The following SGCD variants were observed in gnomAD, a reference collection of about 807,000 sequenced individuals.
The protein encoded by SGCD is sarcoglycan delta.
SGCD carries 18 observed loss-of-function variants against 36.6 expected under a neutral mutation model. The ratio of observed to expected loss-of-function variants is 0.49; its 90% CI spans 0.34 to 0.73. The LOEUF (loss-of-function observed/expected upper bound fraction) is 0.73, where lower values mean the gene tolerates loss of function less well. Among genes scored for constraint, SGCD ranks in the 30% least tolerant of loss-of-function variants. The pLI is 0.01. For synonymous variants in SGCD, 133 were observed against 130.6 expected, an observed-to-expected ratio of 1.02 and a Z score of -0.12; for missense variants, 387 against 346.7, an observed-to-expected ratio of 1.12 and a Z score of -0.92.
the SGCD span, among the ~76,000 whole-genome samples, chr5:155,801,254 G>A: frequency 3.3e-5 from 5 of 152,152 alleles, no homozygotes; most frequent in Admixed American, 2.0e-4. Context: ...TCTTGTGAGT[G>A]TAAGACTTAG....
chr5:156,059,672 C>T (rs1448659479), intron 1 of SGCD, among the ~76,000 whole-genome samples: 1 of 146,456 alleles, frequency 6.8e-6, no homozygotes, highest in Admixed American at 6.8e-5. Flanking sequence ...AAGTAATTTG[C>T]CTTCTCTAAG....
intron 7 of SGCD, among the ~76,000 whole-genome samples, chr5:156,726,864 T>C (rs1219882134): frequency 6.6e-6 from 1 of 152,210 alleles, no homozygotes; most frequent in Non-Finnish European, 1.5e-5. Flanking sequence ...TGCTGCTACA[T>C]ATCTGTATGA....
At chr5:156,736,601 C>T (rs1167028771) in intron 7 of SGCD, among the ~76,000 whole-genome samples, 1 of 152,106 alleles carries the variant, frequency 6.6e-6, no homozygotes, top group East Asian at 1.9e-4. Context: ...AAGAAGGCTA[C>T]TTTGAAGCCA....
At chr5:156,097,372 T>C (rs1455769631) in intron 1 of SGCD, among the ~76,000 whole-genome samples, 2 of 152,174 alleles carry the variant, frequency 1.3e-5, no homozygotes, top group African/African-American at 4.8e-5. Context: ...TTGTTATTGG[T>C]CTCTGGGGCA....
chr5:155,918,323 G>A (rs1400098733), intron 1 of SGCD, among the ~76,000 whole-genome samples: 1 of 152,186 alleles, frequency 6.6e-6, no homozygotes, highest in African/African-American at 2.4e-5. Flanking sequence ...AGCACTTTGG[G>A]TGGCTGAGGC....
chr5:156,764,145 TTATAA>T lies in SGCD; in HGVS notation c.*4761_*4765del, dbSNP rs772072100. On this transcript the variant is annotated 3_prime_UTR_variant, in exon 9 of 9. Coordinates refer to ENST00000337851, the MANE Select transcript of SGCD (RefSeq NM_000337.6). ...GCCCTAGTAGCAGGTTGGGAAAAAGTTATAATATAAGAAACAACCTTCGAAAACAG... is the reference window on the plus strand; with the variant it reads ...GCCCTAGTAGCAGGTTGGGAAAAAGTTATAAGAAACAACCTTCGAAAACAG... The T allele has an allele frequency of 4.6e-5, 7 of 152,406 alleles. No homozygotes were observed. Among genetic ancestry groups the T allele is most frequent in the African/African-American group, 9.7e-5 (4 of 41,450 alleles). The allele number at this position is 152,406 out of a possible 1,614,324, so 9.4% of individuals were successfully genotyped here. A position where few individuals can be genotyped will look rare whatever the true frequency, so the allele number is the denominator to read the frequency against.
chr5:156,621,549 G>A lies in SGCD; in HGVS notation c.503-25915G>A, dbSNP rs74861076. Reference sequence around the variant, plus strand: ...AAAAAATGTGCGTTATGGGAGCAAAGTATAAAATGCTATGGAAACATAAAA... The same window carrying A: ...AAAAAATGTGCGTTATGGGAGCAAAATATAAAATGCTATGGAAACATAAAA... On this transcript the variant is annotated intron_variant, in intron 6 of 8. Transcript: ENST00000337851. Among the ~76,000 whole-genome samples the A allele has an allele frequency of 2.9e-3, 441 of 152,242 alleles. 6 individuals are homozygous for A. Among genetic ancestry groups the A allele is most frequent in the East Asian group, 0.022 (115 of 5,184 alleles).
At chr5:156,258,536 A>G (rs932704173) in intron 3 of SGCD, among the ~76,000 whole-genome samples, 1 of 152,162 alleles carries the variant, frequency 6.6e-6, no homozygotes, top group African/African-American at 2.4e-5. Context: ...AATAGCCACG[A>G]TTGTCTAAAA....
chr5:155,898,634 G>A (rs963674013), intron 1 of SGCD, among the ~76,000 whole-genome samples: 9 of 152,152 alleles, frequency 5.9e-5, no homozygotes, highest in African/African-American at 1.9e-4. Flanking sequence ...CAGTCCCAGG[G>A]TTGGTGTAGT....
Position 156,073,199 on chromosome 5 carries a change from C to T in SGCD, c.-281-44679C>T, listed in dbSNP as rs189758930. 2.0e-3 allele frequency among the ~76,000 whole-genome samples: 309 copies of T among 152,216 alleles called. 1 individual carries two copies. The highest frequency in any genetic ancestry group is 2.8e-3 in the African/African-American group (117 of 41,536). On this transcript the variant is annotated intron_variant, in intron 1 of 9. Coordinates refer to the SGCD transcript ENST00000517913. ...AACTTGCTTGTAAAAAATGACACGACGGAGTAGATGCAAAGTTAGGACAAA... is the reference window on the plus strand; with the variant it reads ...AACTTGCTTGTAAAAAATGACACGATGGAGTAGATGCAAAGTTAGGACAAA...
intron 1 of SGCD, among the ~76,000 whole-genome samples, chr5:156,056,273 AGAT>A (rs1365044322): frequency 1.4e-5 from 2 of 146,184 alleles, no homozygotes; most frequent in African/African-American, 4.9e-5. Context: ...TCTGAAACAA[AGAT>A]GATAACAGCC....
At chr5:156,191,620 A>G (rs1763897517) in intron 3 of SGCD, among the ~76,000 whole-genome samples, 1 of 152,164 alleles carries the variant, frequency 6.6e-6, no homozygotes, top group Admixed American at 6.6e-5. Context: ...TACAAGGGAA[A>G]CAAAACTTTG....
At chr5:155,735,947 A>T in the SGCD span, among the ~76,000 whole-genome samples, 6 of 152,200 alleles carry the variant, frequency 3.9e-5, no homozygotes, top group Non-Finnish European at 2.9e-5. Context: ...ATCCCCTGGC[A>T]CAGGGTCATT....
intron 6 of SGCD, among the ~76,000 whole-genome samples, chr5:156,619,964 A>C (rs187405242): frequency 6.6e-6 from 1 of 152,286 alleles, no homozygotes; most frequent in East Asian, 1.9e-4. Context: ...AATCCAAACA[A>C]AGGAAGAAAG....
chr5:156,199,865 G>T (rs1270926199), intron 3 of SGCD, among the ~76,000 whole-genome samples: 1 of 151,908 alleles, frequency 6.6e-6, no homozygotes, highest in Admixed American at 6.6e-5. Flanking sequence ...CAGAGAAGCT[G>T]TATATTTAAA....
intron 4 of SGCD, among the ~76,000 whole-genome samples, chr5:156,510,091 C>G (rs928160898): frequency 6.6e-6 from 1 of 152,132 alleles, no homozygotes; most frequent in Non-Finnish European, 1.5e-5. Context: ...GGTACCACTA[C>G]TAAATTTCAA....
At chr5:156,604,904 C>T (rs1297079063) in intron 6 of SGCD, among the ~76,000 whole-genome samples, 3 of 150,354 alleles carry the variant, frequency 2.0e-5, no homozygotes, top group African/African-American at 7.3e-5. Context: ...GTTTCTTAAC[C>T]ACTAATTTTA....
chr5:156,729,374 C>T (rs1319087600), intron 7 of SGCD, among the ~76,000 whole-genome samples: 1 of 152,202 alleles, frequency 6.6e-6, no homozygotes, highest in Non-Finnish European at 1.5e-5. Context: ...AAATCTCCCA[C>T]GTGTATTAAC....
At chr5:156,219,398 C>A (rs1249669483) in intron 3 of SGCD, among the ~76,000 whole-genome samples, 1 of 152,046 alleles carries the variant, frequency 6.6e-6, no homozygotes, top group Non-Finnish European at 1.5e-5. Flanking sequence ...TGTGTGTATG[C>A]ATTTCTTTAA....
Sources: gnomAD v4.1 joint callset for allele counts (sites outside exome capture counted in the v4.1 genomes callset) on GRCh38, gnomAD v4.1.1 for gene constraint, MANE v1.5 for transcripts, NCBI Gene and HGNC (gene_info 2026-07-23, HGNC 2026-07-21) for gene names.